FCHO2: variants seen among roughly 807,000 people sequenced by gnomAD.
FCHO2 encodes the protein F-BAR domain only protein 2.
Under a neutral mutation model 114.1 loss-of-function variants are expected in FCHO2, and 43 were observed. The observed-to-expected ratio is 0.38, with a 90% CI of 0.30 to 0.49. The LOEUF (loss-of-function observed/expected upper bound fraction) is 0.49. Among genes scored for constraint, FCHO2 ranks in the 20% least tolerant of loss-of-function variants. FCHO2 has a pLI of 0.97. For missense variants in FCHO2, 807 were observed against 950.4 expected, an observed-to-expected ratio of 0.85 and a Z score of 1.98; for synonymous variants, 293 against 315.2, an observed-to-expected ratio of 0.93 and a Z score of 0.75.
chr5:73,046,297 C>T (rs558980123), intron 11 of FCHO2, among the ~76,000 whole-genome samples: 2 of 152,182 alleles, frequency 1.3e-5, no homozygotes, highest in East Asian at 3.9e-4. Flanking sequence ...GAACTCTCGG[C>T]CTCAAGTGAT....
At chr5:72,958,849 AT>A (rs1308777486) in intron 1 of FCHO2, among the ~76,000 whole-genome samples, 1 of 152,198 alleles carries the variant, frequency 6.6e-6, no homozygotes, top group Non-Finnish European at 1.5e-5. Flanking sequence ...TTAATTCCAA[AT>A]TGCATCTTCA....
chr5:72,975,190 T>C (rs1211007832), intron 2 of FCHO2, among the ~76,000 whole-genome samples: 4 of 152,200 alleles, frequency 2.6e-5, no homozygotes, highest in African/African-American at 9.6e-5. Context: ...TTTTTATTTG[T>C]TTTTATGTTC....
At chr5:73,048,253 C>G (rs531935854) in intron 11 of FCHO2, among the ~76,000 whole-genome samples, 1 of 151,944 alleles carries the variant, frequency 6.6e-6, no homozygotes, top group East Asian at 1.9e-4. Flanking sequence ...AGTTCGAGAC[C>G]AGCCTGGCCA....
At chr5:72,977,343 T>C (rs912337280) in intron 2 of FCHO2, among the ~76,000 whole-genome samples, 6 of 152,238 alleles carry the variant, frequency 3.9e-5, no homozygotes, top group Non-Finnish European at 8.8e-5. Flanking sequence ...TGGTATCTCA[T>C]TGTGGTTTTG....
At position 72,959,233 on chromosome 5, in the gene FCHO2, A is replaced by G. The variant is rs184576822; in HGVS notation, c.33+3104A>G. On this transcript the variant is annotated intron_variant, in intron 1 of 25. Transcript: ENST00000430046. ...TTATAGTTGTCATTTTAGGCTGGGC[A>G]TGGTGGTTCACTCCTGTAATCCCAG... Among the ~76,000 whole-genome samples, 92 of 152,290 alleles carry G rather than the reference A, an allele frequency of 6.0e-4. 1 individual carries two copies. The highest frequency in any genetic ancestry group is 2.1e-3 in the African/African-American group (88 of 41,556).
intron 19 of FCHO2, among the ~76,000 whole-genome samples, chr5:73,070,701 C>G (rs990532201): frequency 9.9e-5 from 15 of 151,700 alleles, no homozygotes; most frequent in Admixed American, 9.2e-4. Context: ...CAACCAAAAG[C>G]AGGTGACAGT....
Position 73,063,821 on chromosome 5 carries a change from CT to C in FCHO2, c.1346-19del. ...ACATACTAATGATTTTCTTCAAATT[CT>C]CTTTTCCCCCTCAACCAGCCAGGCC... On this transcript the variant is annotated intron_variant, in intron 17 of 25. Transcript: ENST00000430046. 1 of 1,598,986 alleles carries C rather than the reference CT, an allele frequency of 6.3e-7. No homozygotes were observed. The highest frequency in any genetic ancestry group is 8.5e-7 in the Non-Finnish European group (1 of 1,169,630).
rs73098084 is a variant in FCHO2, at chr5:73,005,091, C to T, written c.496-1354C>T. Among the ~76,000 whole-genome samples, 824 of 152,138 alleles carry T rather than the reference C, an allele frequency of 5.4e-3. 7 individuals carry two copies. The highest frequency in any genetic ancestry group is 0.019 in the African/African-American group (783 of 41,520). On this transcript the variant is annotated intron_variant, in intron 5 of 25. Transcript: ENST00000430046. ...TTATGTTTCATGGTAAAGTGGCATC[C>T]TATATTCTTTAAGAAGGCAGGAAAG...
Position 73,051,217 on chromosome 5 carries a change from C to G in FCHO2, c.940-132C>G, listed in dbSNP as rs1181734649. 2.4e-5 allele frequency: 14 copies of G among 576,570 alleles called. No homozygotes were observed. In the East Asian group the frequency reaches 5.0e-4, roughly 20 times the overall value. 35.7% of individuals were successfully genotyped at this position (576,570 alleles called of 1,614,324 possible). ...AAAGGTGTAATTTTTCTTCGGTGTT[C>G]ATCATTTCATTAACCTGTTGATATC... On this transcript the variant is annotated intron_variant, in intron 11 of 25. Transcript: ENST00000430046.
At chr5:73,028,707 G>A (rs984183212) in intron 8 of FCHO2, among the ~76,000 whole-genome samples, 60 of 141,608 alleles carry the variant, frequency 4.2e-4, no homozygotes, top group African/African-American at 8.4e-4. Flanking sequence ...CTGGAGTGCA[G>A]TGGCGCGATC....
chr5:72,972,888 T>C (rs1752643032), intron 2 of FCHO2, among the ~76,000 whole-genome samples: 1 of 152,234 alleles, frequency 6.6e-6, no homozygotes, highest in South Asian at 2.1e-4. Context: ...CAATGCCTAA[T>C]TTATTGAGAG....
chr5:73,043,193 G>C (rs1405966797), intron 11 of FCHO2, among the ~76,000 whole-genome samples: 1 of 152,018 alleles, frequency 6.6e-6, no homozygotes, highest in African/African-American at 2.4e-5. Flanking sequence ...CAGTCTCCCA[G>C]AGTGCTGGGA....
At position 73,088,348 on chromosome 5, in the gene FCHO2, T is replaced by C; in HGVS notation, c.*258T>C. 2.1e-6 allele frequency: 1 copy of C among 470,700 alleles called. No individual in the cohort carries two copies. Among genetic ancestry groups the C allele is most frequent in the Non-Finnish European group, 3.8e-6 (1 of 265,818 alleles). The allele number at this position is 470,700 out of a possible 1,614,324, so 29.2% of individuals were successfully genotyped here. On this transcript the variant is annotated 3_prime_UTR_variant, in exon 26 of 26. Transcript: ENST00000430046. The stretch of plus-strand genomic sequence containing the variant: ...CAGATTCTCAGTAAAAATGAAGTTT[T>C]TGTAGGATTAATTTTTAAATTATTT...
intron 2 of FCHO2, among the ~76,000 whole-genome samples, chr5:72,974,576 T>C (rs1385183579): frequency 6.6e-6 from 1 of 151,748 alleles, no homozygotes; most frequent in Non-Finnish European, 1.5e-5. Context: ...CTCCATCCCT[T>C]TATTTTGAGC....
chr5:73,078,927 A>C (rs150912880), intron 22 of FCHO2, among the ~76,000 whole-genome samples: 109 of 152,312 alleles, frequency 7.2e-4, no homozygotes, highest in African/African-American at 2.5e-3. Flanking sequence ...CACAATCTCT[A>C]GTGACTTGAA....
intron 1 of FCHO2, among the ~76,000 whole-genome samples, chr5:72,957,416 A>G (rs554169813): frequency 1.1e-4 from 17 of 152,204 alleles, no homozygotes; most frequent in Non-Finnish European, 1.9e-4. Context: ...CAACTAATGT[A>G]TTTTCTGCCT....
chr5:73,083,708 A>T (rs906515180), intron 24 of FCHO2, among the ~76,000 whole-genome samples: 1 of 152,180 alleles, frequency 6.6e-6, no homozygotes. Context: ...CCTGGCCAAC[A>T]TGGTGAAACC....
chr5:72,958,318 C>G (rs1342828101), intron 1 of FCHO2, among the ~76,000 whole-genome samples: 3 of 151,900 alleles, frequency 2.0e-5, no homozygotes, highest in Non-Finnish European at 2.9e-5. Flanking sequence ...AGTTTTACTT[C>G]TTCTGTTTAG....
At chr5:73,056,143 CTT>C (rs1757583192) in intron 16 of FCHO2, 36 bp downstream of exon 16, 3 of 1,473,594 alleles carry the variant, frequency 2.0e-6, no homozygotes, top group Non-Finnish European at 2.7e-6. Flanking sequence ...AAAAAATAGA[CTT>C]TATTTTTTAG....
Sources: gnomAD v4.1 joint callset for allele counts (sites outside exome capture counted in the v4.1 genomes callset) on GRCh38, gnomAD v4.1.1 for gene constraint, MANE v1.5 for transcripts, NCBI Gene and HGNC (gene_info 2026-07-23, HGNC 2026-07-21) for gene names.